Variants in DENND4C observed in about 807,000 individuals in gnomAD.
DENND4C encodes the protein DENN domain containing 4C, also known as DENN domain-containing protein 4C.
A neutral mutation model predicts 203.0 loss-of-function variants in DENND4C; 108 were observed. That is an observed-to-expected ratio of 0.53 (90% CI 0.46 to 0.62). The LOEUF (loss-of-function observed/expected upper bound fraction) is 0.62, where lower values mean the gene tolerates loss of function less well. Ranked by LOEUF, DENND4C falls within the 20% of genes least tolerant of loss-of-function variation. DENND4C has a pLI of 0.00. For missense variants in DENND4C, 2,481 were observed against 2,301.2 expected, an observed-to-expected ratio of 1.08 and a Z score of -1.60; for synonymous variants, 871 against 792.4, an observed-to-expected ratio of 1.10 and a Z score of -1.67.
chr9:19,231,196 G>A (rs996409835), intron 1 of DENND4C, among the ~76,000 whole-genome samples: 3 of 152,234 alleles, frequency 2.0e-5, no homozygotes, highest in African/African-American at 7.2e-5. Context: ...TGGGGGCCGG[G>A]GTGCGGAGGG....
At chr9:19,315,021 G>A (rs1208468801) in intron 10 of DENND4C, among the ~76,000 whole-genome samples, 4 of 151,984 alleles carry the variant, frequency 2.6e-5, no homozygotes, top group Non-Finnish European at 5.9e-5. Context: ...TTAGCTGGGC[G>A]TGATGGCGCG....
At chr9:19,343,505 A>G (rs1474519038) in intron 22 of DENND4C, among the ~76,000 whole-genome samples, 1 of 152,210 alleles carries the variant, frequency 6.6e-6, no homozygotes, top group East Asian at 1.9e-4. Flanking sequence ...CTGTACAGAA[A>G]TTAATTTGTT....
Position 19,346,641 on chromosome 9 carries a change from T to C in DENND4C, c.3872T>C (p.Leu1291Pro), listed in dbSNP as rs754301235. 1 of 1,614,058 alleles carries C rather than the reference T, an allele frequency of 6.2e-7. No individual in the cohort carries two copies. Among genetic ancestry groups the C allele is most frequent in the Admixed American group, 1.7e-5 (1 of 60,004 alleles). ...GATGAAATAGAAAGCTATATGAACCTAAAAAGTCCCCTAGGTAGTAAATCT... is the reference window on the plus strand; with the variant it reads ...GATGAAATAGAAAGCTATATGAACCCAAAAAGTCCCCTAGGTAGTAAATCT... ...LADEIESYMN[L>P]KSPLGSKSSS... Residue 1291 changes from leucine (L) to proline (P), a missense_variant, in exon 23 of 33, where the codon CTA (leucine) becomes CCA (proline). Leu to Pro is a moderately conservative substitution (Grantham distance 98). Around this residue, in one of 3 missense-constraint regions of DENND4C, gnomAD observed 2,289 missense variants for 2,113.3 expected, o/e 1.08. Transcript: ENST00000434457.
intron 23 of DENND4C, among the ~76,000 whole-genome samples, chr9:19,347,912 G>A (rs1045391202): frequency 7.2e-5 from 11 of 152,042 alleles, no homozygotes; most frequent in African/African-American, 2.4e-4. Flanking sequence ...TTAAAAAAAC[G>A]TTATACATAG....
intron 17 of DENND4C, among the ~76,000 whole-genome samples, chr9:19,334,186 C>G (rs1331899081): frequency 6.6e-6 from 1 of 152,144 alleles, no homozygotes; most frequent in Non-Finnish European, 1.5e-5. Flanking sequence ...GCTGGGACTA[C>G]AAGTGCGTGC....
intron 1 of DENND4C, among the ~76,000 whole-genome samples, chr9:19,234,609 G>C (rs1041542143): frequency 7.0e-6 from 1 of 143,146 alleles, no homozygotes; most frequent in Non-Finnish European, 1.5e-5. Context: ...GCTCACTGCA[G>C]CCTCTACCTC....
chr9:19,343,868 A>AT (rs1008410310), intron 22 of DENND4C, among the ~76,000 whole-genome samples: 1 of 152,066 alleles, frequency 6.6e-6, no homozygotes, highest in African/African-American at 2.4e-5. Context: ...AGTATAGCAA[A>AT]TTTTTTTTAA....
chr9:19,279,545 C>T lies in DENND4C; in HGVS notation c.305+3066C>T, dbSNP rs552078612. Reference sequence around the variant, plus strand: ...TACAAAAATTAGTTGGGCATGGTGGCGAGCACCTGTAGTTCCTGCTACTTG... The same window carrying T: ...TACAAAAATTAGTTGGGCATGGTGGTGAGCACCTGTAGTTCCTGCTACTTG... On this transcript the variant is annotated intron_variant, in intron 2 of 32. Transcript: ENST00000434457. Among the ~76,000 whole-genome samples the T allele has an allele frequency of 1.7e-4, 25 of 151,394 alleles. 2 individuals carry two copies. Among genetic ancestry groups the T allele is most frequent in the Admixed American group, 4.6e-4 (7 of 15,164 alleles).
intron 1 of DENND4C, among the ~76,000 whole-genome samples, chr9:19,252,781 G>C (rs897508830): frequency 1.3e-5 from 2 of 151,828 alleles, no homozygotes; most frequent in African/African-American, 4.8e-5. Context: ...TGTCACTCAG[G>C]CTAGGGTGCA....
chr9:19,363,520 A>T (rs546764365), intron 30 of DENND4C, among the ~76,000 whole-genome samples: 1 of 151,978 alleles, frequency 6.6e-6, no homozygotes, highest in African/African-American at 2.4e-5. Flanking sequence ...AATTAAAAAA[A>T]CATTAGTGCC....
chr9:19,245,462 G>T (rs1441789356), intron 1 of DENND4C, among the ~76,000 whole-genome samples: 2 of 23,954 alleles, frequency 8.3e-5, no homozygotes, highest in Non-Finnish European at 1.5e-4. Context: ...GTAAGACTCA[G>T]TCTCAAAAAA....
intron 1 of DENND4C, among the ~76,000 whole-genome samples, chr9:19,258,395 C>T (rs1381639142): frequency 1.3e-5 from 2 of 152,154 alleles, no homozygotes; most frequent in Non-Finnish European, 2.9e-5. Flanking sequence ...AAAGATATTA[C>T]AGGAAAACTA....
chr9:19,237,676 T>C (rs1260442409), intron 1 of DENND4C, among the ~76,000 whole-genome samples: 1 of 152,212 alleles, frequency 6.6e-6, no homozygotes, highest in East Asian at 1.9e-4. Flanking sequence ...TTATACACAA[T>C]CATTTCTGCA....
intron 10 of DENND4C, among the ~76,000 whole-genome samples, chr9:19,306,092 T>G (rs1588884281): frequency 6.6e-6 from 1 of 152,196 alleles, no homozygotes; most frequent in African/African-American, 2.4e-5. Flanking sequence ...GCAAACTACA[T>G]TAATAAAAGA....
intron 1 of DENND4C, among the ~76,000 whole-genome samples, chr9:19,264,655 C>G (rs1314885447): frequency 6.6e-6 from 1 of 152,108 alleles, no homozygotes; most frequent in East Asian, 1.9e-4. Flanking sequence ...CTTGTAATGT[C>G]TCATCTCTGA....
chr9:19,285,944 A>C (rs1835127630), intron 2 of DENND4C, among the ~76,000 whole-genome samples: 1 of 152,174 alleles, frequency 6.6e-6, no homozygotes, highest in South Asian at 2.1e-4. Context: ...AATACATTGC[A>C]CTGATTACTG....
At chr9:19,273,194 A>G (rs1588806389) in intron 1 of DENND4C, among the ~76,000 whole-genome samples, 1 of 150,770 alleles carries the variant, frequency 6.6e-6, no homozygotes, top group African/African-American at 2.5e-5. Context: ...CTCGTGATCC[A>G]CCTGCCTCGG....
At chr9:19,336,624 A>T in intron 19 of DENND4C, 62 bp from the exon 20 acceptor site, 3 of 1,492,318 alleles carry the variant, frequency 2.0e-6, no homozygotes, top group Non-Finnish European at 1.8e-6. Flanking sequence ...TGGGTCAATC[A>T]TGTTTAGTTT....
intron 2 of DENND4C, among the ~76,000 whole-genome samples, chr9:19,286,453 G>A (rs1588844330): frequency 6.6e-6 from 1 of 152,162 alleles, no homozygotes; most frequent in African/African-American, 2.4e-5. Context: ...GAAGATGTTT[G>A]TGGTGTTGCC....
Sources: gnomAD v4.1 joint callset for allele counts (sites outside exome capture counted in the v4.1 genomes callset) on GRCh38, gnomAD v4.1.1 for gene constraint, gnomAD v4.1.1 regional missense constraint, MANE v1.5 for transcripts, NCBI Gene and HGNC (gene_info 2026-07-23, HGNC 2026-07-21) for gene names.